SYTL3: variants seen among roughly 807,000 people sequenced by gnomAD.
SYTL3 encodes synaptotagmin like 3.
Under a neutral mutation model 82.1 loss-of-function variants are expected in SYTL3, and 88 were observed. The observed-to-expected ratio is 1.07, with a 90% CI of 0.90 to 1.28. The LOEUF is 1.28. SYTL3 is among the 50% of genes most tolerant of loss of function. SYTL3 has a pLI of 0.00. For synonymous variants in SYTL3, 311 were observed against 289.4 expected, an observed-to-expected ratio of 1.07 and a Z score of -0.76; for missense variants, 831 against 757.6, an observed-to-expected ratio of 1.10 and a Z score of -1.14.
At chr6:158,682,601 C>T (rs915215670) in intron 5 of SYTL3, among the ~76,000 whole-genome samples, 10 of 151,992 alleles carry the variant, frequency 6.6e-5, no homozygotes, top group South Asian at 6.2e-4. Context: ...CCTCGTGATC[C>T]GCCTGCCTCG....
At position 158,741,224 on chromosome 6, in the gene SYTL3, C is replaced by T. The variant is rs566652962; in HGVS notation, c.856-4256C>T. 1.8e-3 allele frequency among the ~76,000 whole-genome samples: 281 copies of T among 152,266 alleles called. 2 individuals are homozygous for T. Among genetic ancestry groups the T allele is most frequent in the African/African-American group, 6.1e-3 (255 of 41,556 alleles). On this transcript the variant is annotated intron_variant, in intron 11 of 17. Coordinates refer to ENST00000611299, the MANE Select transcript of SYTL3 (RefSeq NM_001242394.2). Reference sequence around the variant, plus strand: ...CTGGGATTACACAGGTGTGCACCACCGCGCTCAGCTAATTTTTGTGTTTTT... The same window carrying T: ...CTGGGATTACACAGGTGTGCACCACTGCGCTCAGCTAATTTTTGTGTTTTT...
chr6:158,704,407 C>T (rs1781724034), intron 6 of SYTL3, among the ~76,000 whole-genome samples: 2 of 152,242 alleles, frequency 1.3e-5, no homozygotes, highest in Non-Finnish European at 2.9e-5. Flanking sequence ...ACGCCCGGTC[C>T]GTGCAGGAGC....
intron 5 of SYTL3, among the ~76,000 whole-genome samples, chr6:158,669,453 G>A (rs541616200): frequency 5.9e-5 from 9 of 152,320 alleles, no homozygotes; most frequent in African/African-American, 1.9e-4. Flanking sequence ...CCAGTCAGGT[G>A]CTTTAGAACC....
chr6:158,662,632 A>C (rs1239379205), intron 3 of SYTL3, 118 bp from the exon 4 acceptor site: 1 of 152,240 alleles, frequency 6.6e-6, no homozygotes, highest in Non-Finnish European at 1.5e-5. Flanking sequence ...ATTTTACATT[A>C]TCACCGCGAG....
intron 12 of SYTL3, among the ~76,000 whole-genome samples, chr6:158,747,588 G>C (rs1469734264): frequency 6.6e-6 from 1 of 152,160 alleles, no homozygotes; most frequent in African/African-American, 2.4e-5. Context: ...TAGTTGGGAG[G>C]CACATGCTTG....
At chr6:158,657,148 G>A (rs1249407961) in intron 2 of SYTL3, among the ~76,000 whole-genome samples, 3 of 152,102 alleles carry the variant, frequency 2.0e-5, no homozygotes, top group African/African-American at 2.4e-5. Flanking sequence ...AGTAGTGGCC[G>A]GGCACGGTGA....
At chr6:158,739,727 C>T (rs1281780043) in intron 11 of SYTL3, among the ~76,000 whole-genome samples, 4 of 152,180 alleles carry the variant, frequency 2.6e-5, no homozygotes, top group Non-Finnish European at 5.9e-5. Context: ...GTTGTGCAGA[C>T]TGGTCATGAA....
At chr6:158,700,339 ACTC>A (rs1384903371) in intron 6 of SYTL3, among the ~76,000 whole-genome samples, 9 of 151,664 alleles carry the variant, frequency 5.9e-5, no homozygotes, top group Admixed American at 2.0e-4. Context: ...CTGGTCTTGA[ACTC>A]CTGGGCTCAA....
At chr6:158,700,821 T>C (rs1781121984) in intron 6 of SYTL3, among the ~76,000 whole-genome samples, 1 of 152,040 alleles carries the variant, frequency 6.6e-6, no homozygotes, top group South Asian at 2.1e-4. Context: ...TTTCACTGTG[T>C]TAGCCAGGAT....
At chr6:158,715,611 A>ACACACACACACACACACACACACACACC (rs1783288329) in intron 9 of SYTL3, among the ~76,000 whole-genome samples, 1 of 142,406 alleles carries the variant, frequency 7.0e-6, no homozygotes, top group African/African-American at 2.7e-5. Context: ...ACACACACAC[A>ACACACACACACACACACACACACACACC]CACACGCACG....
At position 158,661,322 on chromosome 6, in the gene SYTL3, A is replaced by T. The variant is rs542643738; in HGVS notation, c.-583A>T. The T allele has an allele frequency of 3.3e-4, 51 of 152,318 alleles. No homozygotes were observed. The highest frequency in any genetic ancestry group is 1.2e-3 in the African/African-American group (50 of 41,564). The allele number at this position is 152,318 out of a possible 1,614,324, so 9.4% of individuals were successfully genotyped here. ...TGCCAGTTCTGCCTGTTCATCTGGA[A>T]CCTGGATCTAAGGAGGGAAGAGGCG... On this transcript the variant is annotated 5_prime_UTR_variant, in exon 3 of 18. Transcript: ENST00000611299.
intron 13 of SYTL3, among the ~76,000 whole-genome samples, chr6:158,756,307 C>A (rs114040981): frequency 0.011 from 1,633 of 152,370 alleles, 20 homozygotes; most frequent in African/African-American, 0.037. Flanking sequence ...CTCTGCCAAG[C>A]CAGCACAGGC....
upstream of SYTL3, among the ~76,000 whole-genome samples, chr6:158,645,991 G>A (rs1285141211): frequency 6.6e-6 from 1 of 152,154 alleles, no homozygotes; most frequent in African/African-American, 2.4e-5. Context: ...TTGCAAGAAC[G>A]TATTTATGGT....
rs752998958 is a variant in SYTL3 at position 158,663,266 on chromosome 6, G to C, written c.-3G>C. On this transcript the variant is annotated 5_prime_UTR_variant, in exon 4 of 18. Transcript: ENST00000611299. ...AACCTGGGTCAACGAAAACGGAGAA[G>C]AAATGGCCCAAGAAATAGATCTGAG... is the stretch of plus-strand genomic sequence containing the variant. The C allele has an allele frequency of 6.8e-6, 11 of 1,614,070 alleles. No individual in the cohort carries two copies. In the South Asian group the frequency reaches 1.2e-4, roughly 18 times the overall value.
Position 158,663,079 on chromosome 6 carries a change from C to G in SYTL3, c.-190C>G. Reference sequence around the variant, plus strand: ...ACGCAGAACTTCTTGAGGCTTTCTTCTTCTAAGGAGTATGACACAGTTAAA... The same window carrying G: ...ACGCAGAACTTCTTGAGGCTTTCTTGTTCTAAGGAGTATGACACAGTTAAA... On this transcript the variant is annotated 5_prime_UTR_variant, in exon 4 of 18. Coordinates refer to ENST00000611299, the MANE Select transcript of SYTL3 (RefSeq NM_001242394.2). 1.9e-6 allele frequency: 1 copy of G among 533,010 alleles called. No individual in the cohort carries two copies. The highest frequency in any genetic ancestry group is 2.6e-5 in the South Asian group (1 of 39,138). 33.0% of individuals were successfully genotyped at this position (533,010 alleles called of 1,614,324 possible). A position where few individuals can be genotyped will look rare whatever the true frequency, so the allele number is the denominator to read the frequency against.
At chr6:158,694,707 A>C (rs1780379896) in intron 6 of SYTL3, among the ~76,000 whole-genome samples, 1 of 152,166 alleles carries the variant, frequency 6.6e-6, no homozygotes, top group South Asian at 2.1e-4. Flanking sequence ...TTTAACCTAG[A>C]CATTTTTTGT....
At chr6:158,731,110 A>C (rs989350366) in intron 11 of SYTL3, among the ~76,000 whole-genome samples, 22 of 152,086 alleles carry the variant, frequency 1.4e-4, no homozygotes, top group African/African-American at 3.6e-4. Context: ...AAGTGAAACC[A>C]TGTCTCTACT....
chr6:158,717,960 G>A lies in SYTL3; in HGVS notation c.596-127G>A, dbSNP rs986859811. 2.2e-4 allele frequency: 182 copies of A among 811,516 alleles called. 1 individual carries two copies. In the African/African-American group the frequency reaches 2.9e-3, roughly 13 times the overall value. The allele number at this position is 811,516 out of a possible 1,614,324, so 50.3% of individuals were successfully genotyped here. A position where few individuals can be genotyped will look rare whatever the true frequency, so the allele number is the denominator to read the frequency against. ...GGGAATGTGCCGCCCTTGCTCCTCC[G>A]TGCACTTTGCCCTCTTAAGACCTTG... On this transcript the variant is annotated intron_variant, in intron 9 of 17. Transcript: ENST00000611299.
intron 6 of SYTL3, among the ~76,000 whole-genome samples, chr6:158,703,343 TA>T (rs1781550740): frequency 1.3e-5 from 2 of 151,906 alleles, no homozygotes; most frequent in South Asian, 4.2e-4. Context: ...CAAAGACGGG[TA>T]TCCCTGCTAA....
Sources: gnomAD v4.1 joint callset for allele counts (sites outside exome capture counted in the v4.1 genomes callset) on GRCh38, gnomAD v4.1.1 for gene constraint, MANE v1.5 for transcripts, NCBI Gene and HGNC (gene_info 2026-07-23, HGNC 2026-07-21) for gene names.